Variants in ANK1 observed in about 807,000 individuals in gnomAD.
ANK1 encodes ankyrin 1, also known as ankyrin-1.
Under a neutral mutation model 210.4 loss-of-function variants are expected in ANK1, and 51 were observed. The observed-to-expected ratio is 0.24, with a 90% confidence interval of 0.19 to 0.31. ANK1 has a LOEUF of 0.31. Among genes scored for constraint, ANK1 ranks in the 10% least tolerant of loss-of-function variants. The probability of loss-of-function intolerance (pLI) is 1.00; values close to 1 mark genes in which losing one functional copy is unlikely to be tolerated. For missense variants in ANK1, 2,051 were observed against 2,504.4 expected, an observed-to-expected ratio of 0.82 and a Z score of 3.86; for synonymous variants, 967 against 1,025.9, an observed-to-expected ratio of 0.94 and a Z score of 1.10.
intron 2 of ANK1, among the ~76,000 whole-genome samples, chr8:41,752,591 C>A (rs1837974668): frequency 6.6e-6 from 1 of 152,196 alleles, no homozygotes; most frequent in Admixed American, 6.5e-5. Flanking sequence ...ACACACCGGT[C>A]TGCTCCCAGC....
intron 1 of ANK1, among the ~76,000 whole-genome samples, chr8:41,823,316 G>T (rs1196622702): frequency 6.6e-6 from 1 of 152,102 alleles, no homozygotes; most frequent in African/African-American, 2.4e-5. Context: ...GAAAAAAACC[G>T]CCCAACTTGG....
chr8:41,763,853 T>TTTTTC (rs1841023564), intron 1 of ANK1, among the ~76,000 whole-genome samples: 1 of 150,654 alleles, frequency 6.6e-6, no homozygotes, highest in Non-Finnish European at 1.5e-5. Context: ...TTGCTAAAGC[T>TTTTTC]TTTTCTTTCT....
intron 1 of ANK1, among the ~76,000 whole-genome samples, chr8:41,770,418 C>T (rs1408449416): frequency 6.6e-6 from 1 of 152,184 alleles, no homozygotes; most frequent in Non-Finnish European, 1.5e-5. Flanking sequence ...ACAGATCTTA[C>T]AAGTAAAATA....
intron 2 of ANK1, among the ~76,000 whole-genome samples, chr8:41,737,400 C>T (rs951570660): frequency 4.6e-5 from 7 of 152,182 alleles, no homozygotes; most frequent in African/African-American, 1.2e-4. Context: ...TTAGAGCTAA[C>T]GAATGGATCT....
chr8:41,818,573 G>GTCTTTCTT (rs143734244), intron 1 of ANK1, among the ~76,000 whole-genome samples: 3,474 of 151,694 alleles, frequency 0.023, 67 homozygotes, highest in African/African-American at 0.045. Context: ...AAACCAATAA[G>GTCTTTCTT]TCTTTCTTTC....
intron 1 of ANK1, among the ~76,000 whole-genome samples, chr8:41,807,093 T>C (rs938243192): frequency 1.3e-5 from 2 of 152,252 alleles, no homozygotes; most frequent in African/African-American, 4.8e-5. Context: ...CACTCATCCA[T>C]CTTTCTCGTA....
At chr8:41,695,145 G>A (rs755471987) in intron 27 of ANK1, 32 bp downstream of exon 27, 55 of 1,613,556 alleles carry the variant, frequency 3.4e-5, no homozygotes, top group Non-Finnish European at 4.0e-5. Context: ...TCCGCAAGGA[G>A]GGGACCCAGC....
intron 1 of ANK1, among the ~76,000 whole-genome samples, chr8:41,806,421 A>G (rs887933090): frequency 6.6e-6 from 1 of 152,214 alleles, no homozygotes; most frequent in Admixed American, 6.5e-5. Flanking sequence ...AAGATAATAT[A>G]AAAGCAGCAC....
In ANK1 at chr8:41,704,325, G is replaced by C; in HGVS notation, c.2196+49C>G. The C allele has an allele frequency of 6.4e-7, 1 of 1,553,034 alleles. No individual in the cohort carries two copies. Among genetic ancestry groups the C allele is most frequent in the Non-Finnish European group, 8.9e-7 (1 of 1,124,832 alleles). On this transcript the variant is annotated intron_variant, in intron 19 of 42. Coordinates refer to ENST00000289734, the MANE Select transcript of ANK1 (RefSeq NM_000037.4). This position sits in a 1 kb window ranked among gnomAD's most constrained non-coding sequence, Gnocchi z 4.1. ...AGCAGCTCTGGCTTTACCCTGATGT[G>C]GCATGGAGAAGGGTCAGTGCAGGAG...
chr8:41,694,488 A>G lies in ANK1; in HGVS notation c.3327+104T>C. On this transcript the variant is annotated intron_variant, in intron 28 of 42. Transcript: ENST00000289734. This position sits in a 1 kb window ranked among gnomAD's most constrained non-coding sequence, Gnocchi z 5.7. ...TCAGATCTCCACTGTGGCATTTCAA[A>G]GCACCAGACAAAAGTGTGGGGATGT... 1.7e-6 allele frequency: 2 copies of G among 1,183,276 alleles called. No individual in the cohort carries two copies. The highest frequency in any genetic ancestry group is 2.7e-5 in the South Asian group (2 of 74,972). The allele number at this position is 1,183,276 out of a possible 1,614,324, so 73.3% of individuals were successfully genotyped here.
At chr8:41,678,862 C>T (rs868014757) in intron 37 of ANK1, among the ~76,000 whole-genome samples, 2 of 152,318 alleles carry the variant, frequency 1.3e-5, no homozygotes, top group Middle Eastern at 3.4e-3. Flanking sequence ...CGGCTCACTG[C>T]CACCTCCGCC....
At chr8:41,719,487 G>A (rs969313352) in intron 10 of ANK1, among the ~76,000 whole-genome samples, 174 bp downstream of exon 10, 10 of 152,148 alleles carry the variant, frequency 6.6e-5, no homozygotes, top group African/African-American at 2.4e-4. Context: ...GGGTGCAGGA[G>A]GGGTGCACAC....
intron 7 of ANK1, 137 bp from the exon 8 acceptor site, chr8:41,723,770 ATTTTATTTTT>A (rs944146919): frequency 1.1e-5 from 6 of 549,896 alleles, no homozygotes; most frequent in Non-Finnish European, 1.9e-5. Flanking sequence ...GGCCTAAGAT[ATTTTATTTTT>A]TTTTATTTTT....
At chr8:41,836,933 A>C (rs143174079) in intron 1 of ANK1, among the ~76,000 whole-genome samples, 183 of 151,846 alleles carry the variant, frequency 1.2e-3, no homozygotes, top group African/African-American at 4.3e-3. Flanking sequence ...GGAAAAAAAA[A>C]AAAAAAACAA....
At position 41,715,840 on chromosome 8, in the gene ANK1, T is replaced by C. The variant is rs564056644; in HGVS notation, c.1414A>G (p.Thr472Ala). 8.7e-6 allele frequency: 14 copies of C among 1,614,114 alleles called. No individual in the cohort carries two copies. In the South Asian group the frequency reaches 1.3e-4, roughly 15 times the overall value. The change falls in exon 14 of 43, where the codon ACC becomes GCC. Residue 472 changes from threonine (T) to alanine (A), a missense_variant. Physicochemically the swap from Thr to Ala is moderately conservative, Grantham distance 58 (BLOSUM62 0). Coordinates refer to ENST00000289734, the MANE Select transcript of ANK1 (RefSeq NM_000037.4). The stretch of plus-strand genomic sequence containing the variant: ...ATGCGAGCTGCACAGTGAAGTGGGG[T>C]CTGGTCATCCTGGACCCCGAAGGGA... The part of the protein sequence containing the change: ...KVNAKAKDDQ[T>A]PLHCAARIGH...
At chr8:41,771,903 G>A (rs1843038355) in intron 1 of ANK1, among the ~76,000 whole-genome samples, 2 of 152,312 alleles carry the variant, frequency 1.3e-5, no homozygotes, top group South Asian at 4.1e-4. Context: ...ATTCCTGCAG[G>A]GATTTCACGA....
intron 40 of ANK1, among the ~76,000 whole-genome samples, chr8:41,662,864 G>T (rs1808958034): frequency 6.6e-6 from 1 of 152,024 alleles, no homozygotes; most frequent in Non-Finnish European, 1.5e-5. Context: ...GACAGGCAAG[G>T]TCATGTCTCT....
chr8:41,676,467 G>A (rs986331131), intron 37 of ANK1, among the ~76,000 whole-genome samples: 1 of 152,122 alleles, frequency 6.6e-6, no homozygotes, highest in Non-Finnish European at 1.5e-5. Context: ...AGAGTTCTTT[G>A]TATATTCCAA....
In ANK1 at chr8:41,759,431, G is replaced by C. The variant is rs7845118; in HGVS notation, c.28-1294C>G. Among the ~76,000 whole-genome samples, 677 of 151,994 alleles carry C rather than the reference G, an allele frequency of 4.5e-3. 5 individuals are homozygous for C. The highest frequency in any genetic ancestry group is 0.016 in the African/African-American group (651 of 41,460). ...TGAGGCAGGAGAATCGCTTGAACCC[G>C]GGAGGTGGAGGTTGCAGTGAGCCGA... On this transcript the variant is annotated intron_variant, in intron 1 of 42. Transcript: ENST00000289734.
Sources: allele counts gnomAD v4.1 joint callset (sites outside exome capture counted in the v4.1 genomes callset), GRCh38; gene constraint gnomAD v4.1.1; non-coding constraint Gnocchi (gnomAD v3.1); transcripts MANE v1.5; gene names NCBI Gene and HGNC (gene_info 2026-07-23, HGNC 2026-07-21).